The following TRPM3 variants were observed in gnomAD, a reference collection of about 807,000 sequenced individuals.
The protein encoded by TRPM3 is long transient receptor potential channel 3.
Under a neutral mutation model 181.2 loss-of-function variants are expected in TRPM3, and 77 were observed. That is an observed-to-expected ratio of 0.42 (90% CI 0.35 to 0.51). The LOEUF is 0.51. Among genes scored for constraint, TRPM3 ranks in the 20% least tolerant of loss-of-function variants. TRPM3 has a pLI of 0.01. For synonymous variants in TRPM3, 745 were observed against 796.4 expected, an observed-to-expected ratio of 0.94 and a Z score of 1.09; for missense variants, 1,759 against 2,196.7, an observed-to-expected ratio of 0.80 and a Z score of 3.98.
intron 1 of TRPM3, among the ~76,000 whole-genome samples, chr9:71,197,095 C>T (rs2078429521): frequency 6.6e-6 from 1 of 152,094 alleles, no homozygotes; most frequent in South Asian, 2.1e-4. Flanking sequence ...TGTTCAATTC[C>T]CACCTATGAG....
intron 1 of TRPM3, among the ~76,000 whole-genome samples, chr9:71,182,233 G>A (rs1214636316): frequency 6.6e-6 from 1 of 152,034 alleles, no homozygotes; most frequent in East Asian, 1.9e-4. Flanking sequence ...GCATACAATA[G>A]GAAAAAGAAT....
chr9:70,789,459 A>G (rs2084806079), intron 6 of TRPM3, among the ~76,000 whole-genome samples: 1 of 152,116 alleles, frequency 6.6e-6, no homozygotes, highest in Non-Finnish European at 1.5e-5. Flanking sequence ...AGTCTGTAGG[A>G]AAAAAAATTA....
At chr9:71,379,827 T>C (rs75874717) in intron 1 of TRPM3, among the ~76,000 whole-genome samples, 4,243 of 152,118 alleles carry the variant, frequency 0.028, 187 homozygotes, top group African/African-American at 0.091. Context: ...GAAGCTCGAA[T>C]GGTCAAACTT....
Position 70,529,689 on chromosome 9 carries a change from C to T in TRPM3, c.*6264G>A, listed in dbSNP as rs987170965. 1 of 151,870 alleles carries T rather than the reference C, an allele frequency of 6.6e-6. No individual in the cohort carries two copies. The highest frequency in any genetic ancestry group is 1.5e-5 in the Non-Finnish European group (1 of 68,022). The allele number at this position is 151,870 out of a possible 1,614,324, so 9.4% of individuals were successfully genotyped here. A position where few individuals can be genotyped will look rare whatever the true frequency, so the allele number is the denominator to read the frequency against. On this transcript the variant is annotated 3_prime_UTR_variant, in exon 26 of 26. Coordinates refer to ENST00000677713, the MANE Select transcript of TRPM3 (RefSeq NM_001366145.2). ...CTCTGAATAAGGCGAGTTTCTTTTCCCCCCTCTCGGTTCTCAGTGTATTTT... is the reference window on the plus strand; with the variant it reads ...CTCTGAATAAGGCGAGTTTCTTTTCTCCCCTCTCGGTTCTCAGTGTATTTT...
At chr9:70,897,804 GA>G (rs2096302238) in intron 1 of TRPM3, among the ~76,000 whole-genome samples, 1 of 152,166 alleles carries the variant, frequency 6.6e-6, no homozygotes, top group African/African-American at 2.4e-5. Flanking sequence ...CAACCTAATA[GA>G]AGAAATTCTC....
intron 3 of TRPM3, among the ~76,000 whole-genome samples, chr9:70,855,329 T>G (rs1251605662): frequency 6.6e-6 from 1 of 152,238 alleles, no homozygotes; most frequent in Non-Finnish European, 1.5e-5. Flanking sequence ...ATAATCTTCC[T>G]TTGGCATTCT....
intron 1 of TRPM3, among the ~76,000 whole-genome samples, chr9:70,887,242 A>G (rs2096104303): frequency 6.6e-6 from 1 of 152,182 alleles, no homozygotes; most frequent in Non-Finnish European, 1.5e-5. Context: ...ATTAAGCTCA[A>G]ATTGTGTCCT....
chr9:71,154,970 A>G (rs1357508354), intron 1 of TRPM3, among the ~76,000 whole-genome samples: 2 of 152,182 alleles, frequency 1.3e-5, no homozygotes, highest in Non-Finnish European at 2.9e-5. Context: ...TGACAGTCTA[A>G]AAATTAGCCT....
intron 1 of TRPM3, among the ~76,000 whole-genome samples, chr9:71,397,553 C>G (rs958492304): frequency 2.0e-5 from 3 of 152,118 alleles, no homozygotes; most frequent in Non-Finnish European, 4.4e-5. Flanking sequence ...AGAGTTGGAA[C>G]TTTTTCACCC....
At chr9:71,013,830 GT>G (rs1270963830) in intron 1 of TRPM3, among the ~76,000 whole-genome samples, 3 of 151,866 alleles carry the variant, frequency 2.0e-5, no homozygotes, top group African/African-American at 7.2e-5. Context: ...TTTCCCCTTA[GT>G]TTTGATAATC....
At chr9:71,158,421 A>G (rs2076109494) in intron 1 of TRPM3, among the ~76,000 whole-genome samples, 1 of 152,152 alleles carries the variant, frequency 6.6e-6, no homozygotes, top group Admixed American at 6.6e-5. Flanking sequence ...ATGAACACCC[A>G]CTAGCTGTAG....
At chr9:70,869,964 T>C (rs1332842939) in intron 1 of TRPM3, among the ~76,000 whole-genome samples, 3 of 152,040 alleles carry the variant, frequency 2.0e-5, no homozygotes, top group Non-Finnish European at 2.9e-5. Context: ...AGAGCTTAAA[T>C]TTCAAGAAGG....
chr9:70,688,860 C>A (rs1314447407), intron 8 of TRPM3, among the ~76,000 whole-genome samples: 1 of 152,176 alleles, frequency 6.6e-6, no homozygotes, highest in Non-Finnish European at 1.5e-5. Context: ...AAGCTTAAGG[C>A]ATTCCAGGAT....
rs192435755 is a variant in TRPM3 at position 71,421,882 on chromosome 9, C to T, written c.183+24771G>A. On this transcript the variant is annotated intron_variant, in intron 1 of 24. Coordinates refer to the TRPM3 transcript ENST00000357533. ...GACCAGTGTCAAATGTGTGGTTTGT[C>T]GTTGACCACATCATTATACACACAT... 3.3e-5 allele frequency among the ~76,000 whole-genome samples: 5 copies of T among 152,092 alleles called. No individual in the cohort carries two copies. The East Asian group carries it at 7.7e-4, about 24-fold the overall frequency.
intron 1 of TRPM3, among the ~76,000 whole-genome samples, chr9:71,088,534 T>A (rs1338071038): frequency 6.6e-6 from 1 of 152,088 alleles, no homozygotes; most frequent in African/African-American, 2.4e-5. Flanking sequence ...TTTCCAAATA[T>A]ACATATGCTG....
At chr9:71,171,418 CAT>C (rs1376968007) in intron 1 of TRPM3, among the ~76,000 whole-genome samples, 3 of 152,132 alleles carry the variant, frequency 2.0e-5, no homozygotes, top group African/African-American at 7.2e-5. Flanking sequence ...AACCTACCGA[CAT>C]GTGATGTCTC....
intron 1 of TRPM3, among the ~76,000 whole-genome samples, chr9:71,033,229 C>T (rs1033974736): frequency 7.2e-5 from 11 of 152,208 alleles, no homozygotes; most frequent in Non-Finnish European, 4.4e-5. Context: ...AGTCAAACAG[C>T]CAGACTAAAG....
chr9:71,088,808 T>C (rs2133869004), intron 1 of TRPM3, among the ~76,000 whole-genome samples: 1 of 152,094 alleles, frequency 6.6e-6, no homozygotes, highest in Non-Finnish European at 1.5e-5. Flanking sequence ...CATGATCCAT[T>C]GGTTTTGGAT....
intron 1 of TRPM3, among the ~76,000 whole-genome samples, chr9:71,095,703 G>A (rs1045734881): frequency 2.1e-5 from 3 of 141,970 alleles, no homozygotes; most frequent in African/African-American, 7.8e-5. Context: ...AGGTTACAGT[G>A]AGCTGACATT....
Sources: allele counts gnomAD v4.1 joint callset (sites outside exome capture counted in the v4.1 genomes callset), GRCh38; gene constraint gnomAD v4.1.1; transcripts MANE v1.5; gene names NCBI Gene and HGNC (gene_info 2026-07-23, HGNC 2026-07-21).